The following LIN7A variants were observed in gnomAD, a reference collection of about 807,000 sequenced individuals.
LIN7A encodes the protein lin-7 cell polarity scaffold A, also known as protein lin-7 homolog A.
LIN7A carries 25 observed loss-of-function variants against 29.8 expected under a neutral mutation model. The ratio of observed to expected loss-of-function variants is 0.84; its 90% CI spans 0.61 to 1.17. The LOEUF (loss-of-function observed/expected upper bound fraction) is 1.17, where lower values mean the gene tolerates loss of function less well. LIN7A is among the 50% of genes most tolerant of loss of function. LIN7A has a pLI of 0.00. For synonymous variants in LIN7A, 118 were observed against 107.5 expected (o/e 1.10, Z -0.60); for missense variants, 239 against 287.0 (o/e 0.83, Z 1.21).
chr12:80,934,989 A>G (rs938373099), intron 1 of LIN7A, among the ~76,000 whole-genome samples: 2 of 152,210 alleles, frequency 1.3e-5, no homozygotes, highest in Admixed American at 6.5e-5. Flanking sequence ...TCTCTGGCCT[A>G]TGTTATCACT....
At chr12:80,846,694 AT>A (rs1424834630) in intron 3 of LIN7A, among the ~76,000 whole-genome samples, 7 of 152,306 alleles carry the variant, frequency 4.6e-5, no homozygotes, top group Non-Finnish European at 1.0e-4. Context: ...GAAGTCAATG[AT>A]TTTATACCTA....
chr12:80,808,798 C>A (rs1871159450), intron 5 of LIN7A, among the ~76,000 whole-genome samples: 1 of 152,060 alleles, frequency 6.6e-6, no homozygotes, highest in Non-Finnish European at 1.5e-5. Flanking sequence ...AGCCACCACG[C>A]TTGGCTCCCA....
chr12:80,913,483 G>C (rs556406986), intron 1 of LIN7A, among the ~76,000 whole-genome samples: 1 of 152,186 alleles, frequency 6.6e-6, no homozygotes, highest in African/African-American at 2.4e-5. Flanking sequence ...TGGAGACGAG[G>C]AAACGGGAGC....
rs189925099 is a variant in LIN7A, at chr12:80,834,136, G to T, written c.483+11594C>A. 2.6e-5 allele frequency among the ~76,000 whole-genome samples: 4 copies of T among 152,186 alleles called. No homozygotes were observed. The East Asian group carries it at 7.7e-4, about 29-fold the overall frequency. On this transcript the variant is annotated intron_variant, in intron 4 of 5. Coordinates refer to ENST00000552864, the MANE Select transcript of LIN7A (RefSeq NM_004664.4). ...ACTCTTCTGATGTCACATTTTACTCGATTTTTAAGTATGTAAGGACTACCA... is the reference window on the plus strand; with the variant it reads ...ACTCTTCTGATGTCACATTTTACTCTATTTTTAAGTATGTAAGGACTACCA...
At chr12:80,823,253 G>A (rs866618362) in intron 4 of LIN7A, among the ~76,000 whole-genome samples, 56 of 152,204 alleles carry the variant, frequency 3.7e-4, no homozygotes, top group African/African-American at 1.2e-3. Context: ...TGCTCATAAC[G>A]TTGTGGGTGA....
intron 1 of LIN7A, among the ~76,000 whole-genome samples, chr12:80,904,119 T>C (rs1876358104): frequency 6.6e-6 from 1 of 152,248 alleles, no homozygotes; most frequent in Admixed American, 6.5e-5. Flanking sequence ...CAAAATAATA[T>C]AACTAAATTA....
At chr12:80,925,932 C>A (rs1281664416) in intron 1 of LIN7A, among the ~76,000 whole-genome samples, 1 of 152,180 alleles carries the variant, frequency 6.6e-6, no homozygotes, top group Non-Finnish European at 1.5e-5. Context: ...GTTCCATTCT[C>A]CTCTTTATTT....
At chr12:80,889,765 C>T (rs1011148375) in intron 1 of LIN7A, among the ~76,000 whole-genome samples, 4 of 152,088 alleles carry the variant, frequency 2.6e-5, no homozygotes, top group East Asian at 1.9e-4. Flanking sequence ...ATAGCTACAA[C>T]GTTACATGTA....
chr12:80,927,871 C>T (rs979400812), intron 1 of LIN7A, among the ~76,000 whole-genome samples: 25 of 152,244 alleles, frequency 1.6e-4, no homozygotes, highest in Non-Finnish European at 2.9e-4. Flanking sequence ...CCCCACCTCC[C>T]CACAGGCCTG....
At chr12:80,889,400 C>G in intron 1 of LIN7A, 31 bp from the exon 2 acceptor site, 1 of 1,339,534 alleles carries the variant, frequency 7.5e-7, no homozygotes, top group African/African-American at 1.4e-5. Context: ...ATAGAGAAAC[C>G]TAGAATAAAT....
intron 1 of LIN7A, among the ~76,000 whole-genome samples, chr12:80,933,714 G>A (rs1031522362): frequency 2.0e-5 from 3 of 152,034 alleles, no homozygotes; most frequent in Admixed American, 2.0e-4. Context: ...TCCCCCTCCT[G>A]AGGACATTTC....
At chr12:80,927,307 G>T (rs1301452029) in intron 1 of LIN7A, among the ~76,000 whole-genome samples, 1 of 151,614 alleles carries the variant, frequency 6.6e-6, no homozygotes, top group Non-Finnish European at 1.5e-5. Flanking sequence ...GACTACAGGC[G>T]CCCGCCACCG....
At chr12:80,877,783 T>C (rs1408825975) in intron 2 of LIN7A, among the ~76,000 whole-genome samples, 1 of 152,122 alleles carries the variant, frequency 6.6e-6, no homozygotes, top group Non-Finnish European at 1.5e-5. Flanking sequence ...TCATTTTAGA[T>C]GACTTGTACA....
intron 2 of LIN7A, among the ~76,000 whole-genome samples, chr12:80,878,903 C>T (rs973328875): frequency 1.3e-5 from 2 of 152,192 alleles, no homozygotes; most frequent in South Asian, 2.1e-4. Flanking sequence ...CTGATTGGTG[C>T]ATTTTACAAT....
At chr12:80,840,733 C>G (rs555713224) in intron 4 of LIN7A, among the ~76,000 whole-genome samples, 1 of 152,184 alleles carries the variant, frequency 6.6e-6, no homozygotes, top group Admixed American at 6.5e-5. Flanking sequence ...GTGTGTTGGT[C>G]AGGGGAGGGT....
At chr12:80,840,562 A>C (rs1159919430) in intron 4 of LIN7A, among the ~76,000 whole-genome samples, 1 of 152,156 alleles carries the variant, frequency 6.6e-6, no homozygotes, top group Non-Finnish European at 1.5e-5. Context: ...ATGAGAGAAC[A>C]TAATGTAAAT....
chr12:80,834,577 C>G (rs1280395645), intron 4 of LIN7A, among the ~76,000 whole-genome samples: 1 of 152,158 alleles, frequency 6.6e-6, no homozygotes, highest in African/African-American at 2.4e-5. Context: ...TTTATTGAAA[C>G]AGCCCATACC....
intron 4 of LIN7A, among the ~76,000 whole-genome samples, chr12:80,815,122 C>T (rs1592856498): frequency 6.6e-6 from 1 of 152,074 alleles, no homozygotes. Flanking sequence ...ATTTTTGTGG[C>T]CTTTTTTTCC....
rs751422431 is a variant in LIN7A, at chr12:80,811,699, C to T, written c.484-16G>A. The T allele has an allele frequency of 6.9e-6, 11 of 1,593,164 alleles. No individual in the cohort carries two copies. Among genetic ancestry groups the T allele is most frequent in the Middle Eastern group, 1.7e-4 (1 of 5,994 alleles). ...CTTCCACACTCTGAAAATACAATGA[C>T]ACTTCTTAAAGGGAGGAGGTTCAAT... is the stretch of plus-strand genomic sequence containing the variant. On this transcript the variant is annotated splice_polypyrimidine_tract_variant and intron_variant, in intron 4 of 5. Transcript: ENST00000552864.
Sources: allele counts gnomAD v4.1 joint callset (sites outside exome capture counted in the v4.1 genomes callset), GRCh38; gene constraint gnomAD v4.1.1; transcripts MANE v1.5; gene names NCBI Gene and HGNC (gene_info 2026-07-23, HGNC 2026-07-21).